Variants in CYFIP2 observed in about 807,000 individuals in gnomAD.
The protein encoded by CYFIP2 is cytoplasmic FMR1-interacting protein 2.
Under a neutral mutation model 158.7 loss-of-function variants are expected in CYFIP2, and 29 were observed. The observed-to-expected ratio is 0.18, with a 90% CI of 0.14 to 0.25. The LOEUF is 0.25. Among genes scored for constraint, CYFIP2 ranks in the 10% least tolerant of loss-of-function variants. The pLI is 1.00. For missense variants in CYFIP2, 852 were observed against 1,639.5 expected (o/e 0.52, Z 8.29); for synonymous variants, 585 against 617.6 (o/e 0.95, Z 0.78).
At chr5:157,358,645 C>G (rs1763584384) in intron 23 of CYFIP2, among the ~76,000 whole-genome samples, 1 of 152,216 alleles carries the variant, frequency 6.6e-6, no homozygotes, top group Non-Finnish European at 1.5e-5. Flanking sequence ...CTAGTAATGT[C>G]TCTTAAGAAA....
At chr5:157,275,538 C>G (rs1018398191) in intron 1 of CYFIP2, among the ~76,000 whole-genome samples, 1 of 152,144 alleles carries the variant, frequency 6.6e-6, no homozygotes, top group African/African-American at 2.4e-5. Context: ...ATTTTGATTA[C>G]TGTAGTTTTG....
Position 157,393,334 on chromosome 5 carries a change from C to T in CYFIP2, c.*334C>T, listed in dbSNP as rs1359084291. 4.8e-6 allele frequency: 1 copy of T among 206,422 alleles called. No homozygotes were observed. The highest frequency in any genetic ancestry group is 2.3e-5 in the African/African-American group (1 of 42,892). 12.8% of individuals were successfully genotyped at this position (206,422 alleles called of 1,614,324 possible). On this transcript the variant is annotated 3_prime_UTR_variant, in exon 31 of 31. Transcript: ENST00000620254. ...ATCCCACCTATCTGTGGTTGCTTCC[C>T]AAGACCTCCTCCCAAGATAGACATC...
chr5:157,377,131 C>G (rs1244060582), intron 26 of CYFIP2, among the ~76,000 whole-genome samples: 3 of 151,704 alleles, frequency 2.0e-5, no homozygotes, highest in Non-Finnish European at 2.9e-5. Context: ...TCCAACACCC[C>G]CTTTGCTCTC....
At chr5:157,315,215 T>C in intron 13 of CYFIP2, 121 bp downstream of exon 13, 1 of 1,319,064 alleles carries the variant, frequency 7.6e-7, no homozygotes, top group Non-Finnish European at 1.0e-6. Flanking sequence ...TTCCCTGTCC[T>C]ACCATCTAAA....
chr5:157,382,717 A>C, intron 27 of CYFIP2, 55 bp downstream of exon 27: 9 of 1,548,668 alleles, frequency 5.8e-6, no homozygotes, highest in Non-Finnish European at 7.1e-6. Context: ...CCTTATTCTC[A>C]CTTCCTAATT....
chr5:157,303,997 G>T (rs1759001960), intron 7 of CYFIP2, among the ~76,000 whole-genome samples: 1 of 152,084 alleles, frequency 6.6e-6, no homozygotes, highest in Non-Finnish European at 1.5e-5. Context: ...CATCAGAACT[G>T]CCTGGGAATA....
chr5:157,343,014 G>A, intron 23 of CYFIP2: 1 of 1,614,200 alleles, frequency 6.2e-7, no homozygotes, highest in South Asian at 1.1e-5. Context: ...AGCCCCTGCA[G>A]GTCTTCCTCC....
At chr5:157,320,226 G>A (rs528928640) in intron 14 of CYFIP2, among the ~76,000 whole-genome samples, 1 of 152,346 alleles carries the variant, frequency 6.6e-6, no homozygotes, top group South Asian at 2.1e-4. Context: ...GATGAAATGA[G>A]ATGGTCCATA....
At chr5:157,280,362 A>ATTTTTT (rs1271572838) in intron 1 of CYFIP2, among the ~76,000 whole-genome samples, 2 of 115,672 alleles carry the variant, frequency 1.7e-5, no homozygotes, top group Non-Finnish European at 3.5e-5. Flanking sequence ...ACGCCTGGCT[A>ATTTTTT]ATTTTTTTTT....
intron 5 of CYFIP2, 95 bp downstream of exon 5, chr5:157,296,869 T>C: frequency 4.1e-6 from 4 of 965,278 alleles, no homozygotes; most frequent in Non-Finnish European, 6.3e-6. Context: ...TGTTATTTAT[T>C]CACTAAGCAA....
chr5:157,273,208 A>G (rs1470158261), intron 1 of CYFIP2, among the ~76,000 whole-genome samples: 3 of 152,040 alleles, frequency 2.0e-5, no homozygotes, highest in Admixed American at 6.6e-5. Flanking sequence ...GAGTTATTCT[A>G]TTGCAGTCCC....
intron 28 of CYFIP2, among the ~76,000 whole-genome samples, chr5:157,386,108 G>A (rs898207591): frequency 2.0e-5 from 3 of 152,120 alleles, no homozygotes; most frequent in Non-Finnish European, 2.9e-5. Context: ...TAACACACAC[G>A]GAAAAGTATC....
At chr5:157,273,893 G>T (rs536355310) in intron 1 of CYFIP2, among the ~76,000 whole-genome samples, 3 of 152,286 alleles carry the variant, frequency 2.0e-5, no homozygotes, top group Non-Finnish European at 4.4e-5. Context: ...CCAGCACTTT[G>T]GGAGGTCAAG....
chr5:157,352,813 G>T (rs995727419), intron 23 of CYFIP2, among the ~76,000 whole-genome samples: 2 of 152,170 alleles, frequency 1.3e-5, no homozygotes, highest in African/African-American at 4.8e-5. Flanking sequence ...GATAATCCTG[G>T]ATTATCTTGG....
intron 26 of CYFIP2, among the ~76,000 whole-genome samples, chr5:157,374,153 C>T (rs111334352): frequency 2.6e-5 from 4 of 152,210 alleles, no homozygotes; most frequent in South Asian, 2.1e-4. Context: ...GGCTGTCGAT[C>T]GATCCTGCTG....
At chr5:157,369,744 G>A (rs1764787056) in intron 26 of CYFIP2, among the ~76,000 whole-genome samples, 2 of 152,174 alleles carry the variant, frequency 1.3e-5, no homozygotes, top group African/African-American at 2.4e-5. Context: ...ACATCGCCAA[G>A]CACCAGGGAG....
intron 21 of CYFIP2, among the ~76,000 whole-genome samples, chr5:157,335,548 T>A (rs1581086318): frequency 6.6e-6 from 1 of 152,190 alleles, no homozygotes; most frequent in Non-Finnish European, 1.5e-5. Context: ...GAGTCTTTTG[T>A]ATACATAGTT....
At chr5:157,383,513 G>C in intron 28 of CYFIP2, 154 bp downstream of exon 28, 1 of 624,788 alleles carries the variant, frequency 1.6e-6, no homozygotes, top group East Asian at 2.8e-5. Context: ...AATAGCAACA[G>C]CAGGTCTGGA....
chr5:157,267,367 G>C lies in CYFIP2; in HGVS notation c.-24+1172G>C, dbSNP rs186032607. On this transcript the variant is annotated intron_variant, in intron 1 of 30. Transcript: ENST00000620254. ...TTTCCTGCCTCCTGTCTGTGTCCCA[G>C]TTAGGGCAGTGGGTCTCACCTTACT... Among the ~76,000 whole-genome samples the C allele has an allele frequency of 1.8e-4, 27 of 152,332 alleles. 1 individual carries two copies. In the East Asian group the frequency reaches 4.4e-3, roughly 25 times the overall value.
Sources: gnomAD v4.1 joint callset for allele counts (sites outside exome capture counted in the v4.1 genomes callset) on GRCh38, gnomAD v4.1.1 for gene constraint, MANE v1.5 for transcripts, NCBI Gene and HGNC (gene_info 2026-07-23, HGNC 2026-07-21) for gene names.